The following FOXJ3 variants were observed in gnomAD, a reference collection of about 807,000 sequenced individuals.
FOXJ3 encodes the protein forkhead box J3.
In FOXJ3, 22 loss-of-function variants were observed where a neutral mutation model predicts 76.1. The observed-to-expected ratio is 0.29, with a 90% confidence interval of 0.21 to 0.41. FOXJ3 has a LOEUF of 0.41. FOXJ3 is among the 10% of genes least tolerant of loss of function. The pLI, the probability that FOXJ3 is intolerant of heterozygous loss-of-function variation, is 1.00. For synonymous variants in FOXJ3, 269 were observed against 261.2 expected (o/e 1.03, Z -0.29); for missense variants, 613 against 762.1 (o/e 0.80, Z 2.30).
At chr1:42,237,680 T>C (rs1017374045) in intron 4 of FOXJ3, among the ~76,000 whole-genome samples, 2 of 150,814 alleles carry the variant, frequency 1.3e-5, no homozygotes, top group African/African-American at 4.9e-5. Flanking sequence ...GCTTTATATC[T>C]TTTTTTTTAA....
At chr1:42,223,729 A>G (rs1481000497) in intron 5 of FOXJ3, among the ~76,000 whole-genome samples, 3 of 152,206 alleles carry the variant, frequency 2.0e-5, no homozygotes, top group Non-Finnish European at 4.4e-5. Context: ...ACTTAATTAT[A>G]TATGTTTGAA....
chr1:42,316,349 T>TTTTTTTTTTTC (rs1553169820), intron 1 of FOXJ3, among the ~76,000 whole-genome samples: 8 of 135,212 alleles, frequency 5.9e-5, no homozygotes, highest in African/African-American at 1.3e-4. Context: ...TTTTTTTTTT[T>TTTTTTTTTTTC]CTGTAGAAAC....
At chr1:42,245,206 A>T (rs184295067) in intron 4 of FOXJ3, among the ~76,000 whole-genome samples, 4 of 150,368 alleles carry the variant, frequency 2.7e-5, no homozygotes, top group African/African-American at 9.8e-5. Context: ...AACAAAGAAA[A>T]GCCCAAGATT....
chr1:42,184,951 G>A (rs11210606), intron 11 of FOXJ3, among the ~76,000 whole-genome samples: 18,759 of 152,094 alleles, frequency 0.12, 1,531 homozygotes, highest in Admixed American at 0.23. Context: ...AAGCACAGGC[G>A]TGGAGGGGAG....
intron 12 of FOXJ3, 39 bp from the exon 13 acceptor site, chr1:42,179,864 G>C: frequency 7.5e-7 from 1 of 1,326,984 alleles, no homozygotes; most frequent in East Asian, 2.3e-5. Flanking sequence ...GACTTGGGTA[G>C]AGAAGAAAGT....
chr1:42,237,911 TACACACACACACAC>T (rs60804378), intron 4 of FOXJ3, among the ~76,000 whole-genome samples: 2 of 150,604 alleles, frequency 1.3e-5, no homozygotes, highest in Non-Finnish European at 3.0e-5. Flanking sequence ...TCTATCAAAA[TACACACACACACAC>T]ACACACACAC....
intron 11 of FOXJ3, among the ~76,000 whole-genome samples, chr1:42,186,451 G>A (rs1359925790): frequency 2.0e-5 from 3 of 152,114 alleles, no homozygotes; most frequent in Non-Finnish European, 4.4e-5. Context: ...TTGATAGGCT[G>A]TGACTAGGGT....
Position 42,191,405 on chromosome 1 carries a change from G to T in FOXJ3, c.1249C>A (p.His417Asn), listed in dbSNP as rs1266478147. 6.8e-6 allele frequency: 11 copies of T among 1,608,822 alleles called. No individual in the cohort carries two copies. The highest frequency in any genetic ancestry group is 1.3e-5 in the African/African-American group (1 of 74,928). ...HSQLQSPHPQ[H>N]PSPHQHIQHH... Reference sequence around the variant, plus strand: ...TGTATGTGTTGATGTGGAGAGGGATGCTGGGGGTGAGGGGACTGGAGCTGG... The same window carrying T: ...TGTATGTGTTGATGTGGAGAGGGATTCTGGGGGTGAGGGGACTGGAGCTGG... Residue 417 changes from histidine to asparagine, a missense_variant, in exon 9 of 13, where the codon CAT becomes AAT. Coordinates refer to ENST00000361346, the MANE Select transcript of FOXJ3 (RefSeq NM_014947.5).
At chr1:42,322,426 C>T (rs1323720559) in intron 1 of FOXJ3, among the ~76,000 whole-genome samples, 1 of 151,614 alleles carries the variant, frequency 6.6e-6, no homozygotes, top group Non-Finnish European at 1.5e-5. Flanking sequence ...GGTGAAAAGA[C>T]AGTGTCTATG....
intron 2 of FOXJ3, among the ~76,000 whole-genome samples, chr1:42,295,398 A>G (rs746643159): frequency 2.3e-4 from 35 of 152,054 alleles, no homozygotes; most frequent in Non-Finnish European, 4.1e-4. Context: ...ATTCTTTTCT[A>G]TGCTGCATAG....
intron 11 of FOXJ3, among the ~76,000 whole-genome samples, chr1:42,183,944 G>A (rs1238210097): frequency 1.3e-5 from 2 of 152,090 alleles, no homozygotes; most frequent in Non-Finnish European, 2.9e-5. Flanking sequence ...ATGATAACAT[G>A]CCTTTTATCA....
Position 42,292,993 on chromosome 1 carries a change from C to T in FOXJ3, c.45-14321G>A, listed in dbSNP as rs150924234. ...GTGGGCACCTGTAGTCCCAGCTACT[C>T]AGGAGGCCGAGACAAGACGATTGCT... On this transcript the variant is annotated intron_variant, in intron 2 of 12. Transcript: ENST00000361346. Among the ~76,000 whole-genome samples, 783 of 152,104 alleles carry T rather than the reference C, an allele frequency of 5.1e-3. 3 individuals are homozygous for T. The highest frequency in any genetic ancestry group is 0.017 in the African/African-American group (720 of 41,484).
chr1:42,237,911 TACACACAC>T (rs60804378), intron 4 of FOXJ3, among the ~76,000 whole-genome samples: 33,225 of 150,634 alleles, frequency 0.22, 4,473 homozygotes, highest in East Asian at 0.34. Flanking sequence ...TCTATCAAAA[TACACACAC>T]ACACACACAC....
chr1:42,309,734 T>A (rs1352137930), intron 2 of FOXJ3, among the ~76,000 whole-genome samples: 1 of 152,214 alleles, frequency 6.6e-6, no homozygotes, highest in East Asian at 1.9e-4. Context: ...GGTCCTGCCA[T>A]CAACACTTCA....
chr1:42,193,101 CAAAATATCTCT>C (rs1646582119), intron 8 of FOXJ3, among the ~76,000 whole-genome samples: 2 of 151,792 alleles, frequency 1.3e-5, no homozygotes, highest in Admixed American at 1.3e-4. Context: ...TAAAAGAAAG[CAAAATATCTCT>C]CCAGAAGCCC....
chr1:42,241,213 A>G (rs1364592941), intron 4 of FOXJ3, among the ~76,000 whole-genome samples: 1 of 152,160 alleles, frequency 6.6e-6, no homozygotes, highest in African/African-American at 2.4e-5. Flanking sequence ...GAGCTTCCTG[A>G]CAGCTCCACC....
chr1:42,231,794 C>T (rs1427172956), intron 4 of FOXJ3, among the ~76,000 whole-genome samples: 4 of 152,086 alleles, frequency 2.6e-5, no homozygotes, highest in African/African-American at 9.7e-5. Flanking sequence ...CACCCCACCC[C>T]CACGCCTGTT....
At chr1:42,254,748 G>C (rs1422413179) in intron 4 of FOXJ3, among the ~76,000 whole-genome samples, 1 of 148,932 alleles carries the variant, frequency 6.7e-6, no homozygotes, top group Non-Finnish European at 1.5e-5. Context: ...CTCACTCATA[G>C]ATGGGAATTG....
chr1:42,235,634 C>G (rs1648559802), intron 4 of FOXJ3, among the ~76,000 whole-genome samples: 1 of 151,950 alleles, frequency 6.6e-6, no homozygotes, highest in South Asian at 2.1e-4. Context: ...GCAACCTCGG[C>G]TCACTGCAAC....
Sources: gnomAD v4.1 joint callset for allele counts (sites outside exome capture counted in the v4.1 genomes callset) on GRCh38, gnomAD v4.1.1 for gene constraint, MANE v1.5 for transcripts, NCBI Gene and HGNC (gene_info 2026-07-23, HGNC 2026-07-21) for gene names.